MICU2: variants seen among roughly 807,000 people sequenced by gnomAD.
MICU2 encodes mitochondrial calcium uptake 2, also known as calcium uptake protein 2, mitochondrial.
Under a neutral mutation model 60.4 loss-of-function variants are expected in MICU2, and 64 were observed. The ratio of observed to expected loss-of-function variants is 1.06; its 90% CI spans 0.87 to 1.31. The LOEUF is 1.31. MICU2 is among the 50% of genes most tolerant of loss of function. MICU2 has a pLI of 0.00. For synonymous variants in MICU2, 201 were observed against 175.0 expected (o/e 1.15, Z -1.17); for missense variants, 569 against 531.0 (o/e 1.07, Z -0.70).
Position 21,603,868 on chromosome 13 carries a change from C to T in MICU2, c.210+71G>A, listed in dbSNP as rs531711593. On this transcript the variant is annotated intron_variant, in intron 1 of 11. Transcript: ENST00000382374. Reference sequence around the variant, plus strand: ...CCGGGAGAGCCGCCCAGAGCCAAACCACTCCCCGCCTAAGGGCGTCAGGGG... The same window carrying T: ...CCGGGAGAGCCGCCCAGAGCCAAACTACTCCCCGCCTAAGGGCGTCAGGGG... The T allele has an allele frequency of 1.9e-6, 3 of 1,550,150 alleles. No homozygotes were observed. In the Admixed American group the frequency reaches 5.5e-5, roughly 28 times the overall value.
At chr13:21,580,583 TACTCTTAAATATTTAAGAGTA>T (rs144563732) in intron 1 of MICU2, among the ~76,000 whole-genome samples, 73 of 149,336 alleles carry the variant, frequency 4.9e-4, no homozygotes, top group Admixed American at 1.5e-3. Context: ...GCTTGTGAAG[TACTCTTAAATATTTAAGAGTA>T]ACTCTTAAAT....
intron 1 of MICU2, among the ~76,000 whole-genome samples, chr13:21,592,593 A>G (rs1265004726): frequency 6.6e-6 from 1 of 152,230 alleles, no homozygotes; most frequent in Non-Finnish European, 1.5e-5. Flanking sequence ...CCTGATGAAC[A>G]TTGATGCGAA....
intron 1 of MICU2, among the ~76,000 whole-genome samples, chr13:21,596,401 T>C (rs1279678067): frequency 6.6e-6 from 1 of 151,172 alleles, no homozygotes. Context: ...CTCTCACCCC[T>C]GAAGCCTAAG....
chr13:21,560,435 T>C (rs1470916815), intron 2 of MICU2, among the ~76,000 whole-genome samples: 2 of 152,200 alleles, frequency 1.3e-5, no homozygotes, highest in African/African-American at 2.4e-5. Context: ...CTGGGCTCTT[T>C]ATTCTGTTCC....
Position 21,604,082 on chromosome 13 carries a change from C to T in MICU2, c.67G>A (p.Ala23Thr), listed in dbSNP as rs2138086181. The T allele has an allele frequency of 2.5e-6, 4 of 1,597,204 alleles. No individual in the cohort carries two copies. Among genetic ancestry groups the T allele is most frequent in the Non-Finnish European group, 1.7e-6 (2 of 1,173,570 alleles). Residue 23 changes from alanine to threonine, a missense_variant, in exon 1 of 12, where the codon GCT becomes ACT. Coordinates refer to ENST00000382374, the MANE Select transcript of MICU2 (RefSeq NM_152726.3). ...CTCCGCACAGCCTGTCGGCTGACAG[C>T]GAGCCCCCGTCGCAGTTTTCCGCCC... ...AWGGKLRRGL[A>T]VSRQAVRSPG...
At chr13:21,553,007 A>G (rs1887612687) in intron 2 of MICU2, among the ~76,000 whole-genome samples, 1 of 152,178 alleles carries the variant, frequency 6.6e-6, no homozygotes, top group African/African-American at 2.4e-5. Flanking sequence ...TTGAATCTAT[A>G]AATTACCTGG....
At chr13:21,533,735 A>G (rs1053979782) in intron 4 of MICU2, among the ~76,000 whole-genome samples, 4 of 152,184 alleles carry the variant, frequency 2.6e-5, no homozygotes, top group Non-Finnish European at 4.4e-5. Context: ...AAATAACTGT[A>G]TACCACATTA....
At chr13:21,500,639 G>C (rs112622064) in intron 9 of MICU2, among the ~76,000 whole-genome samples, 5 of 151,616 alleles carry the variant, frequency 3.3e-5, no homozygotes, top group African/African-American at 1.2e-4. Flanking sequence ...GGCTAGTCTC[G>C]AACTCCTGAC....
In MICU2 at chr13:21,510,106, T is replaced by TA. The variant is rs758286772; in HGVS notation, c.664-6dup. 14 of 1,381,980 alleles carry TA rather than the reference T, an allele frequency of 1.0e-5. No homozygotes were observed. Among genetic ancestry groups the TA allele is most frequent in the African/African-American group, 3.0e-5 (2 of 66,554 alleles). 85.6% of individuals were successfully genotyped at this position (1,381,980 alleles called of 1,614,324 possible). On this transcript the variant is annotated splice_polypyrimidine_tract_variant and splice_region_variant and intron_variant, in intron 7 of 11. Transcript: ENST00000382374. ...AGGTTCTTTCACTATTGCTTCCTAT[T>TA]AAAAAAATCACAATAATTTAAAATA...
chr13:21,601,422 A>G (rs1017472647), intron 1 of MICU2, among the ~76,000 whole-genome samples: 1 of 152,246 alleles, frequency 6.6e-6, no homozygotes, highest in Non-Finnish European at 1.5e-5. Context: ...GTCTCGGTCC[A>G]ATAGCAGATC....
chr13:21,521,430 A>C, intron 5 of MICU2, 103 bp from the exon 6 acceptor site: 1 of 771,576 alleles, frequency 1.3e-6, no homozygotes, highest in Non-Finnish European at 2.1e-6. Context: ...AAACTGTATG[A>C]GTAAGTGCCT....
intron 8 of MICU2, among the ~76,000 whole-genome samples, chr13:21,508,367 C>T (rs542376391): frequency 2.0e-5 from 3 of 152,140 alleles, no homozygotes; most frequent in African/African-American, 7.2e-5. Flanking sequence ...CCTCGTGATC[C>T]ACCACCTCGG....
At chr13:21,563,956 C>T (rs1032751821) in intron 2 of MICU2, among the ~76,000 whole-genome samples, 7 of 152,062 alleles carry the variant, frequency 4.6e-5, no homozygotes, top group African/African-American at 1.7e-4. Flanking sequence ...GTGTGTGCCA[C>T]CACACCTGGC....
At chr13:21,561,630 C>A (rs1887844074) in intron 2 of MICU2, among the ~76,000 whole-genome samples, 1 of 150,454 alleles carries the variant, frequency 6.6e-6, no homozygotes, top group Non-Finnish European at 1.5e-5. Context: ...GCTACTCCAG[C>A]CTTCTTTTGA....
At chr13:21,521,985 C>G (rs1029971793) in intron 5 of MICU2, among the ~76,000 whole-genome samples, 2 of 152,152 alleles carry the variant, frequency 1.3e-5, no homozygotes, top group Non-Finnish European at 2.9e-5. Context: ...TACCATGTTG[C>G]CCAAGCTGGT....
intron 4 of MICU2, among the ~76,000 whole-genome samples, chr13:21,538,218 T>C (rs566005636): frequency 6.6e-6 from 1 of 152,156 alleles, no homozygotes; most frequent in African/African-American, 2.4e-5. Context: ...ATCCTATCAC[T>C]GATCTGTACA....
intron 4 of MICU2, among the ~76,000 whole-genome samples, chr13:21,532,344 C>A (rs1887022243): frequency 6.6e-6 from 1 of 152,224 alleles, no homozygotes; most frequent in Non-Finnish European, 1.5e-5. Flanking sequence ...AATTCCAACT[C>A]TTTTCATACT....
intron 1 of MICU2, among the ~76,000 whole-genome samples, chr13:21,570,158 T>G (rs1888074693): frequency 6.6e-6 from 1 of 152,190 alleles, no homozygotes; most frequent in Non-Finnish European, 1.5e-5. Context: ...GTAAGTAGGA[T>G]GCACTGAATG....
At chr13:21,526,113 CTTTTTTTTTT>C (rs34999871) in intron 4 of MICU2, among the ~76,000 whole-genome samples, 2 of 110,574 alleles carry the variant, frequency 1.8e-5, no homozygotes, top group African/African-American at 6.8e-5. Context: ...AATTAAAATA[CTTTTTTTTTT>C]TTTTTTTTTT....
Sources: allele counts gnomAD v4.1 joint callset (sites outside exome capture counted in the v4.1 genomes callset), GRCh38; gene constraint gnomAD v4.1.1; transcripts MANE v1.5; gene names NCBI Gene and HGNC (gene_info 2026-07-23, HGNC 2026-07-21).